SHCBP1L: variants seen among roughly 807,000 people sequenced by gnomAD.
SHCBP1L encodes testicular spindle-associated protein SHCBP1L.
Under a neutral mutation model 62.5 loss-of-function variants are expected in SHCBP1L, and 67 were observed. That is an observed-to-expected ratio of 1.07 (90% CI 0.88 to 1.31). The LOEUF (loss-of-function observed/expected upper bound fraction) is 1.31, where lower values mean the gene tolerates loss of function less well. Ranked by LOEUF, SHCBP1L falls within the 40% of genes most tolerant of loss-of-function variation. The pLI is 0.00. For missense variants in SHCBP1L, 823 were observed against 809.8 expected (o/e 1.02, Z -0.20); for synonymous variants, 284 against 289.4 (o/e 0.98, Z 0.19).
intron 6 of SHCBP1L, among the ~76,000 whole-genome samples, chr1:182,905,955 G>A (rs1333413651): frequency 1.3e-5 from 2 of 152,060 alleles, no homozygotes; most frequent in Non-Finnish European, 2.9e-5. Flanking sequence ...ATTATTTTGA[G>A]ACGGAGTTTC....
At chr1:182,931,174 C>G (rs1409505377) in intron 5 of SHCBP1L, among the ~76,000 whole-genome samples, 1 of 152,152 alleles carries the variant, frequency 6.6e-6, no homozygotes, top group East Asian at 1.9e-4. Context: ...ATTTCAAAAT[C>G]AAACCCACTC....
At chr1:182,929,908 A>G (rs1402350739) in intron 5 of SHCBP1L, among the ~76,000 whole-genome samples, 156 bp from the exon 6 acceptor site, 1 of 152,222 alleles carries the variant, frequency 6.6e-6, no homozygotes, top group Non-Finnish European at 1.5e-5. Flanking sequence ...GAGCAATGTA[A>G]TGATTCAGAT....
chr1:182,924,974 G>GAA (rs772984933), intron 6 of SHCBP1L, among the ~76,000 whole-genome samples: 4 of 109,574 alleles, frequency 3.7e-5, no homozygotes, highest in South Asian at 3.0e-4. Flanking sequence ...AAGAAAGAAA[G>GAA]AAAAAAAAAG....
intron 5 of SHCBP1L, among the ~76,000 whole-genome samples, chr1:182,936,427 A>AC (rs1333388563): frequency 1.3e-5 from 2 of 150,774 alleles, no homozygotes; most frequent in Middle Eastern, 3.2e-3. Flanking sequence ...GAGCCACCAC[A>AC]CCCAGACCTG....
chr1:182,932,950 GGCTGGAGT>G (rs1169888383), intron 5 of SHCBP1L, among the ~76,000 whole-genome samples: 1 of 151,900 alleles, frequency 6.6e-6, no homozygotes, highest in Non-Finnish European at 1.5e-5. Context: ...CTGTCACCCA[GGCTGGAGT>G]GCAGTGGTGC....
At chr1:182,913,668 T>A (rs373654259) in intron 6 of SHCBP1L, among the ~76,000 whole-genome samples, 1 of 152,106 alleles carries the variant, frequency 6.6e-6, no homozygotes, top group East Asian at 1.9e-4. Flanking sequence ...CATTAACAAA[T>A]ATTATAATCA....
At chr1:182,938,923 CAA>C (rs1651262867) in intron 5 of SHCBP1L, among the ~76,000 whole-genome samples, 1 of 152,046 alleles carries the variant, frequency 6.6e-6, no homozygotes, top group South Asian at 2.1e-4. Flanking sequence ...TGGCCAAAAT[CAA>C]AAGAGTTAAA....
intron 3 of SHCBP1L, among the ~76,000 whole-genome samples, chr1:182,939,868 A>G (rs1651300274): frequency 6.6e-6 from 1 of 152,200 alleles, no homozygotes; most frequent in Admixed American, 6.5e-5. Context: ...GGAAAACATT[A>G]GAAAAACAAA....
At chr1:182,918,955 A>G (rs952455865) in intron 6 of SHCBP1L, among the ~76,000 whole-genome samples, 3 of 152,228 alleles carry the variant, frequency 2.0e-5, no homozygotes, top group African/African-American at 7.2e-5. Flanking sequence ...ATGCAAAAGG[A>G]TAAAGCTGAA....
intron 6 of SHCBP1L, among the ~76,000 whole-genome samples, chr1:182,918,223 CACAT>C (rs1650421664): frequency 1.6e-5 from 2 of 124,874 alleles, no homozygotes; most frequent in African/African-American, 3.3e-5. Context: ...CATATATATA[CACAT>C]ATATATATAC....
chr1:182,915,806 CTTTT>C (rs535677579), intron 6 of SHCBP1L, among the ~76,000 whole-genome samples: 1 of 133,222 alleles, frequency 7.5e-6, no homozygotes, highest in Admixed American at 7.4e-5. Context: ...ACAACGTATT[CTTTT>C]TTTTTTTTTT....
At position 182,946,883 on chromosome 1, in the gene SHCBP1L, C is replaced by T. The variant is rs114861343; in HGVS notation, c.555+4435G>A. ...TGCTTTTTGTTGTTGCTGTTTTACA[C>T]GTTGATGTTTCCAGGTTGTTAGCTC... On this transcript the variant is annotated intron_variant, in intron 2 of 9. Coordinates refer to ENST00000367547, the MANE Select transcript of SHCBP1L (RefSeq NM_030933.4). Among the ~76,000 whole-genome samples, 588 of 152,228 alleles carry T rather than the reference C, an allele frequency of 3.9e-3. 5 individuals are homozygous for T. The highest frequency in any genetic ancestry group is 0.013 in the African/African-American group (545 of 41,512).
chr1:182,900,029 T>A lies in SHCBP1L; in HGVS notation c.1916A>T (p.Lys639Met). The change falls in exon 10 of 10, where the codon AAG becomes ATG. Residue 639 changes from lysine to methionine, a missense_variant. Coordinates refer to ENST00000367547, the MANE Select transcript of SHCBP1L (RefSeq NM_030933.4). ...ATCCCCCTTGACGTTTGCTTCTATCTTATTATTATTCATTTCCAGATTCAG... is the reference window on the plus strand; with the variant it reads ...ATCCCCCTTGACGTTTGCTTCTATCATATTATTATTCATTTCCAGATTCAG... ...QNLNLEMNNN[K>M]IEANVKGDIR... is the part of the protein sequence containing the mutation. The A allele has an allele frequency of 6.2e-7, 1 of 1,613,140 alleles. No homozygotes were observed. Among genetic ancestry groups the A allele is most frequent in the Non-Finnish European group, 8.5e-7 (1 of 1,179,534 alleles).
At chr1:182,941,904 TAAAC>T (rs998770525) in intron 2 of SHCBP1L, among the ~76,000 whole-genome samples, 1 of 152,044 alleles carries the variant, frequency 6.6e-6, no homozygotes, top group Non-Finnish European at 1.5e-5. Context: ...TACCAAAAAA[TAAAC>T]AACCAGCAAA....
intron 1 of SHCBP1L, 63 bp from the exon 2 acceptor site, chr1:182,951,530 GTT>G (rs368158689): frequency 1.5e-3 from 1,243 of 824,762 alleles, no homozygotes; most frequent in South Asian, 1.9e-3. Flanking sequence ...AAACTAAGTG[GTT>G]TTTTTTTTTT....
At chr1:182,933,311 C>T (rs556955484) in intron 5 of SHCBP1L, among the ~76,000 whole-genome samples, 1 of 152,306 alleles carries the variant, frequency 6.6e-6, no homozygotes, top group South Asian at 2.1e-4. Context: ...CCTTTCCAAT[C>T]TGTATGCTTT....
At chr1:182,904,534 C>CGTGTGTGTGTGTGTGTGT in intron 7 of SHCBP1L, 104 bp from the exon 8 acceptor site, 2 of 598,754 alleles carry the variant, frequency 3.3e-6, no homozygotes, top group South Asian at 4.3e-5. Context: ...TCCCTGTGTG[C>CGTGTGTGTGTGTGTGTGT]GTGTGTGTGT....
intron 6 of SHCBP1L, among the ~76,000 whole-genome samples, chr1:182,923,357 A>T (rs1650581312): frequency 6.6e-6 from 1 of 152,070 alleles, no homozygotes; most frequent in South Asian, 2.1e-4. Context: ...TTCCTCCCTA[A>T]CTCATTCTTT....
In SHCBP1L at chr1:182,904,245, T is replaced by C. The variant is rs2101918570; in HGVS notation, c.1522A>G (p.Thr508Ala). 1 of 1,614,178 alleles carries C rather than the reference T, an allele frequency of 6.2e-7. No individual in the cohort carries two copies. The highest frequency in any genetic ancestry group is 1.3e-5 in the African/African-American group (1 of 75,038). ...LENCILKCEG[T>A]GVCVLTGAAL... ...GCCCCTGTAAGAACACACACTCCTGTTCCTTCACATTTTAATATGCAGTTT... is the reference window on the plus strand; with the variant it reads ...GCCCCTGTAAGAACACACACTCCTGCTCCTTCACATTTTAATATGCAGTTT... Residue 508 changes from threonine to alanine, a missense_variant, in exon 8 of 10, where the codon ACA becomes GCA. Physicochemically the swap from Thr to Ala is moderately conservative, Grantham distance 58. Transcript: ENST00000367547.
Sources: gnomAD v4.1 joint callset for allele counts (sites outside exome capture counted in the v4.1 genomes callset) on GRCh38, gnomAD v4.1.1 for gene constraint, MANE v1.5 for transcripts, NCBI Gene and HGNC (gene_info 2026-07-23, HGNC 2026-07-21) for gene names.